RUNDC3B: variants seen among roughly 807,000 people sequenced by gnomAD.
RUNDC3B encodes RUN domain-containing protein 3B.
RUNDC3B carries 33 observed loss-of-function variants against 58.4 expected under a neutral mutation model. That is an observed-to-expected ratio of 0.56 (90% CI 0.43 to 0.75). RUNDC3B has a LOEUF of 0.75. RUNDC3B is among the 30% of genes least tolerant of loss of function. The probability of loss-of-function intolerance (pLI) is 0.00; values close to 1 mark genes in which losing one functional copy is unlikely to be tolerated. For synonymous variants in RUNDC3B, 193 were observed against 195.2 expected (o/e 0.99, Z 0.10); for missense variants, 501 against 535.7 (o/e 0.94, Z 0.64).
intron 2 of RUNDC3B, among the ~76,000 whole-genome samples, chr7:87,680,755 A>T (rs1332498198): frequency 2.0e-5 from 3 of 150,192 alleles, no homozygotes; most frequent in Non-Finnish European, 4.4e-5. Flanking sequence ...AGATCGCGCC[A>T]TTGCACTCCA....
chr7:87,767,468 T>C (rs1470141927), intron 6 of RUNDC3B, among the ~76,000 whole-genome samples: 1 of 152,228 alleles, frequency 6.6e-6, no homozygotes, highest in Non-Finnish European at 1.5e-5. Context: ...TAGATAGCTT[T>C]TTTTGCAGTG....
intron 4 of RUNDC3B, 29 bp from the exon 5 acceptor site, chr7:87,739,762 T>A: frequency 1.9e-6 from 2 of 1,072,814 alleles, no homozygotes; most frequent in Non-Finnish European, 2.8e-6. Flanking sequence ...TTTTTAATAT[T>A]TTATATATTC....
intron 2 of RUNDC3B, among the ~76,000 whole-genome samples, chr7:87,692,946 T>G (rs956232302): frequency 6.6e-6 from 1 of 152,176 alleles, no homozygotes; most frequent in African/African-American, 2.4e-5. Flanking sequence ...GATGTGTAGA[T>G]GTGGCACAGC....
At chr7:87,664,432 C>A (rs1026159217) in intron 2 of RUNDC3B, among the ~76,000 whole-genome samples, 2 of 152,054 alleles carry the variant, frequency 1.3e-5, no homozygotes, top group Non-Finnish European at 2.9e-5. Context: ...AATACAGATG[C>A]TTATTGTGAG....
chr7:87,708,903 T>C (rs890782987), intron 3 of RUNDC3B, among the ~76,000 whole-genome samples: 9 of 152,208 alleles, frequency 5.9e-5, no homozygotes, highest in African/African-American at 1.9e-4. Context: ...ATTAATTACA[T>C]TTTTAAATCT....
At chr7:87,679,598 C>T (rs1826725539) in intron 2 of RUNDC3B, among the ~76,000 whole-genome samples, 1 of 150,190 alleles carries the variant, frequency 6.7e-6, no homozygotes, top group South Asian at 2.1e-4. Context: ...CTATGTTGCC[C>T]TGGCTGGTCT....
At chr7:87,710,396 A>G (rs931528752) in intron 3 of RUNDC3B, among the ~76,000 whole-genome samples, 174 bp from the exon 4 acceptor site, 1 of 152,190 alleles carries the variant, frequency 6.6e-6, no homozygotes, top group African/African-American at 2.4e-5. Flanking sequence ...AACAAAATAT[A>G]TACTCTAGAT....
intron 2 of RUNDC3B, among the ~76,000 whole-genome samples, chr7:87,661,411 C>A (rs1176508368): frequency 6.6e-6 from 1 of 151,674 alleles, no homozygotes; most frequent in Non-Finnish European, 1.5e-5. Context: ...AACTGCCCCC[C>A]ACCTTCACTA....
intron 1 of RUNDC3B, among the ~76,000 whole-genome samples, chr7:87,638,648 C>T (rs754573271): frequency 4.0e-4 from 60 of 150,228 alleles, no homozygotes; most frequent in Non-Finnish European, 8.3e-4. Context: ...TTAATATCCT[C>T]TTAATGTCTT....
intron 1 of RUNDC3B, among the ~76,000 whole-genome samples, chr7:87,632,153 T>C (rs1339282049): frequency 6.6e-6 from 1 of 152,060 alleles, no homozygotes; most frequent in African/African-American, 2.4e-5. Flanking sequence ...TTCTAGTGTA[T>C]CCACTTATAC....
At chr7:87,659,123 C>T (rs747348437) in intron 2 of RUNDC3B, 2 of 322,224 alleles carry the variant, frequency 6.2e-6, no homozygotes, top group African/African-American at 2.2e-5. Flanking sequence ...CATCATGCCA[C>T]TGCAATCTAG....
chr7:87,819,881 C>T (rs1837314930), intron 10 of RUNDC3B, among the ~76,000 whole-genome samples: 1 of 151,912 alleles, frequency 6.6e-6, no homozygotes, highest in African/African-American at 2.4e-5. Flanking sequence ...GGGACACATT[C>T]AAAGCAGTGT....
At chr7:87,800,700 T>C (rs2130923123) in intron 8 of RUNDC3B, among the ~76,000 whole-genome samples, 1 of 151,000 alleles carries the variant, frequency 6.6e-6, no homozygotes, top group East Asian at 1.9e-4. Context: ...CAGGCTGGAG[T>C]GCAGTGGCAC....
chr7:87,830,088 G>T lies in RUNDC3B; in HGVS notation c.*58G>T. On this transcript the variant is annotated 3_prime_UTR_variant, in exon 11 of 11. Coordinates refer to ENST00000394654, the MANE Select transcript of RUNDC3B (RefSeq NM_001134405.2). ...TTGTAAATGTTTAATTTACATGTTT[G>T]ACTGCTGGGAAGACCTTTGAAATTT... 2 of 1,145,656 alleles carry T rather than the reference G, an allele frequency of 1.7e-6. No homozygotes were observed. Among genetic ancestry groups the T allele is most frequent in the South Asian group, 3.5e-5 (2 of 57,654 alleles). 71.0% of individuals were successfully genotyped at this position (1,145,656 alleles called of 1,614,324 possible). A position where few individuals can be genotyped will look rare whatever the true frequency, so the allele number is the denominator to read the frequency against.
chr7:87,689,726 C>A (rs1198522700), intron 2 of RUNDC3B, among the ~76,000 whole-genome samples: 1 of 152,078 alleles, frequency 6.6e-6, no homozygotes, highest in African/African-American at 2.4e-5. Flanking sequence ...TTCTGATGTT[C>A]TAATTTCAAT....
chr7:87,658,315 T>A (rs1240651167), intron 2 of RUNDC3B, among the ~76,000 whole-genome samples: 1 of 152,074 alleles, frequency 6.6e-6, no homozygotes, highest in Non-Finnish European at 1.5e-5. Context: ...ACCAGTGAAC[T>A]GAAAGACAAA....
intron 10 of RUNDC3B, among the ~76,000 whole-genome samples, chr7:87,826,805 A>T (rs1232338545): frequency 6.6e-6 from 1 of 152,194 alleles, no homozygotes; most frequent in Non-Finnish European, 1.5e-5. Context: ...AATTCTACTA[A>T]AATTATTACA....
chr7:87,757,245 A>G (rs1248689890), intron 6 of RUNDC3B, among the ~76,000 whole-genome samples: 2 of 152,102 alleles, frequency 1.3e-5, no homozygotes, highest in Non-Finnish European at 2.9e-5. Flanking sequence ...CTTACCTCCT[A>G]TATACTATAG....
chr7:87,773,636 GTTTGT>G (rs892882058), intron 7 of RUNDC3B, among the ~76,000 whole-genome samples: 2 of 141,864 alleles, frequency 1.4e-5, no homozygotes, highest in African/African-American at 6.1e-5. Flanking sequence ...TTTTTGTTTG[GTTTGT>G]TTTGTTTTTG....
Sources: allele counts gnomAD v4.1 joint callset (sites outside exome capture counted in the v4.1 genomes callset), GRCh38; gene constraint gnomAD v4.1.1; transcripts MANE v1.5; gene names NCBI Gene and HGNC (gene_info 2026-07-23, HGNC 2026-07-21).